Variants in FBLN7 observed in about 807,000 individuals in gnomAD.
FBLN7 encodes the protein fibulin-7.
FBLN7 carries 31 observed loss-of-function variants against 44.0 expected under a neutral mutation model. The ratio of observed to expected loss-of-function variants is 0.70; its 90% CI spans 0.53 to 0.95. FBLN7 has a LOEUF of 0.95. Among genes scored for constraint, FBLN7 ranks in the 40% least tolerant of loss-of-function variants. The pLI is 0.00. For synonymous variants in FBLN7, 262 were observed against 253.4 expected (o/e 1.03, Z -0.32); for missense variants, 573 against 618.5 (o/e 0.93, Z 0.78).
intron 3 of FBLN7, 27 bp from the exon 4 acceptor site, chr2:112,175,687 A>G (rs1334642299): frequency 8.7e-6 from 14 of 1,613,326 alleles, no homozygotes; most frequent in African/African-American, 1.3e-5. Flanking sequence ...TCACATCCGT[A>G]TATTTGAAAA....
downstream of FBLN7, among the ~76,000 whole-genome samples, chr2:112,192,259 G>A (rs554137784): frequency 6.6e-6 from 1 of 152,202 alleles, no homozygotes; most frequent in South Asian, 2.1e-4. Flanking sequence ...CTTTTCCTCT[G>A]TAAGAATTAT....
intron 4 of FBLN7, chr2:112,177,925 G>GGCT (rs1431649765): frequency 1.3e-5 from 2 of 152,118 alleles, no homozygotes; most frequent in Admixed American, 1.3e-4. Context: ...CACTTTGGGA[G>GGCT]GCTGAGGTGG....
At chr2:112,184,125 C>CG (rs901255428) in intron 6 of FBLN7, among the ~76,000 whole-genome samples, 20 of 152,274 alleles carry the variant, frequency 1.3e-4, no homozygotes, top group Non-Finnish European at 1.9e-4. Flanking sequence ...GTGGGCCTTT[C>CG]GGGGGGCTGG....
At chr2:112,215,884 A>C in the FBLN7 span, 1 of 152,226 alleles carries the variant, frequency 6.6e-6, no homozygotes, top group East Asian at 1.9e-4. Context: ...ATAGTAAGAG[A>C]TATTGTTTCA....
chr2:112,218,309 CTCAA>C, the FBLN7 span, among the ~76,000 whole-genome samples: 2 of 152,212 alleles, frequency 1.3e-5, no homozygotes, highest in South Asian at 4.1e-4. Context: ...GGGAACTCTA[CTCAA>C]GGTTTAGAAA....
the FBLN7 span, among the ~76,000 whole-genome samples, chr2:112,219,741 A>C: frequency 6.6e-6 from 1 of 152,000 alleles, no homozygotes; most frequent in Non-Finnish European, 1.5e-5. Flanking sequence ...CAGAATGTAC[A>C]TTCTGTTTTT....
At position 112,138,568 on chromosome 2, in the gene FBLN7, C is replaced by T; in HGVS notation, c.-88C>T. On this transcript the variant is annotated 5_prime_UTR_variant, in exon 1 of 8. Transcript: ENST00000331203. Reference sequence around the variant, plus strand: ...CGGCCGCGCGGCGCCCCGCACCCTGCAGGGACGGCTGCCGCATCGCTGGGA... The same window carrying T: ...CGGCCGCGCGGCGCCCCGCACCCTGTAGGGACGGCTGCCGCATCGCTGGGA... The T allele has an allele frequency of 6.2e-7, 1 of 1,600,368 alleles. No homozygotes were observed. Among genetic ancestry groups the T allele is most frequent in the Non-Finnish European group, 8.5e-7 (1 of 1,172,364 alleles).
chr2:112,144,247 A>G (rs1318138467), intron 1 of FBLN7, among the ~76,000 whole-genome samples: 5 of 152,230 alleles, frequency 3.3e-5, no homozygotes, highest in Admixed American at 2.0e-4. Context: ...GATTTTTCCC[A>G]AATAGACGAT....
intron 4 of FBLN7, among the ~76,000 whole-genome samples, chr2:112,180,847 C>T (rs1037975557): frequency 5.0e-5 from 7 of 140,994 alleles, no homozygotes; most frequent in Non-Finnish European, 9.1e-5. Flanking sequence ...GGCATGAACC[C>T]GGGAGGCAGA....
the FBLN7 span, chr2:112,230,707 T>TA: frequency 4.0e-6 from 1 of 248,232 alleles, no homozygotes; most frequent in Non-Finnish European, 7.7e-6. Flanking sequence ...ATATACCTGA[T>TA]AGACAAGCCC....
chr2:112,186,739 G>T (rs1482335564), intron 7 of FBLN7, among the ~76,000 whole-genome samples: 4 of 152,326 alleles, frequency 2.6e-5, no homozygotes, highest in East Asian at 1.9e-4. Context: ...AACTGCTGAG[G>T]TCCTGCCATT....
chr2:112,233,694 C>T, the FBLN7 span, among the ~76,000 whole-genome samples: 1 of 151,996 alleles, frequency 6.6e-6, no homozygotes, highest in South Asian at 2.1e-4. Flanking sequence ...GGTGAAACCT[C>T]GTCCCTACTA....
At chr2:112,159,648 T>C (rs979050468) in intron 1 of FBLN7, 28 bp from the exon 2 acceptor site, 2 of 1,485,072 alleles carry the variant, frequency 1.3e-6, no homozygotes, top group Non-Finnish European at 9.0e-7. Flanking sequence ...TCTCAATGGG[T>C]GGTGGCGGCG....
chr2:112,218,262 T>G, the FBLN7 span, among the ~76,000 whole-genome samples: 49 of 152,346 alleles, frequency 3.2e-4, no homozygotes, highest in African/African-American at 1.2e-3. Flanking sequence ...AGGACATTCT[T>G]AAATGAACCT....
intron 1 of FBLN7, among the ~76,000 whole-genome samples, chr2:112,149,157 G>A (rs1055660615): frequency 4.6e-5 from 7 of 151,804 alleles, no homozygotes; most frequent in African/African-American, 1.5e-4. Context: ...ATTCAAGAAT[G>A]AGATCTACAT....
At chr2:112,236,675 T>C in the FBLN7 span, 1 of 1,611,218 alleles carries the variant, frequency 6.2e-7, no homozygotes, top group Non-Finnish European at 8.5e-7. Flanking sequence ...GCTTTAAGAT[T>C]TTTATTTTTT....
chr2:112,200,845 G>GT, the FBLN7 span, among the ~76,000 whole-genome samples: 1 of 152,116 alleles, frequency 6.6e-6, no homozygotes, highest in Non-Finnish European at 1.5e-5. Context: ...CAGCCTAAAT[G>GT]TTTTTTAAAA....
chr2:112,149,881 A>G (rs1041547356), intron 1 of FBLN7, among the ~76,000 whole-genome samples: 2 of 152,242 alleles, frequency 1.3e-5, no homozygotes, highest in African/African-American at 4.8e-5. Flanking sequence ...GTATATAGGA[A>G]AATGTGTTCC....
chr2:112,160,759 CGCACG>C (rs1413137989), intron 2 of FBLN7, among the ~76,000 whole-genome samples: 46 of 88,540 alleles, frequency 5.2e-4, no homozygotes, highest in African/African-American at 1.9e-3. Context: ...CACGCACACA[CGCACG>C]CACACGCAGA....
Sources: gnomAD v4.1 joint callset for allele counts (sites outside exome capture counted in the v4.1 genomes callset) on GRCh38, gnomAD v4.1.1 for gene constraint, MANE v1.5 for transcripts, NCBI Gene and HGNC (gene_info 2026-07-23, HGNC 2026-07-21) for gene names.